The following ZNF462 variants were observed in gnomAD, a reference collection of about 807,000 sequenced individuals.
ZNF462 encodes the protein zinc finger protein 462.
Under a neutral mutation model 201.9 loss-of-function variants are expected in ZNF462, and 10 were observed. That is an observed-to-expected ratio of 0.05 (90% CI 0.03 to 0.08). ZNF462 has a LOEUF of 0.08. Among genes scored for constraint, ZNF462 ranks in the 10% least tolerant of loss-of-function variants. ZNF462 has a pLI of 1.00. For synonymous variants in ZNF462, 1,227 were observed against 1,193.3 expected (o/e 1.03, Z -0.58); for missense variants, 2,523 against 3,168.3 (o/e 0.80, Z 4.89).
At chr9:106,874,245 G>A (rs991978985) in intron 1 of ZNF462, among the ~76,000 whole-genome samples, 1 of 152,216 alleles carries the variant, frequency 6.6e-6, no homozygotes, top group Non-Finnish European at 1.5e-5. Context: ...TTCAGCCTTG[G>A]ACAGCGTAAA....
At position 107,011,061 on chromosome 9, in the gene ZNF462, C is replaced by T; in HGVS notation, c.*31C>T. 6.2e-7 allele frequency: 1 copy of T among 1,605,670 alleles called. No homozygotes were observed. The highest frequency in any genetic ancestry group is 8.5e-7 in the Non-Finnish European group (1 of 1,176,266). ...TGGTGAAATTCTTAATCAAACCTTA[C>T]TTGAACAGTGATGAAAAAGTGGGAG... On this transcript the variant is annotated 3_prime_UTR_variant, in exon 13 of 13. Coordinates refer to ENST00000277225, the MANE Select transcript of ZNF462 (RefSeq NM_021224.6). The surrounding 1 kb of genome is among the most constrained non-coding windows in gnomAD (Gnocchi z 5.6).
At position 106,880,723 on chromosome 9, in the gene ZNF462, C is replaced by T. The variant is rs1319395527; in HGVS notation, c.-31+17368C>T. Reference sequence around the variant, plus strand: ...TATTTAAATGTGTTTGTAGTCAGAACTTCAGTATAAGGGAAAAGTAAAACA... The same window carrying T: ...TATTTAAATGTGTTTGTAGTCAGAATTTCAGTATAAGGGAAAAGTAAAACA... On this transcript the variant is annotated intron_variant, in intron 1 of 12. Transcript: ENST00000277225. The surrounding 1 kb of genome is among the most constrained non-coding windows in gnomAD (Gnocchi z 4.1). 6.6e-6 allele frequency among the ~76,000 whole-genome samples: 1 copy of T among 152,130 alleles called. No homozygotes were observed. Among genetic ancestry groups the T allele is most frequent in the Non-Finnish European group, 1.5e-5 (1 of 68,030 alleles).
chr9:106,951,619 A>C (rs997802072), intron 7 of ZNF462, among the ~76,000 whole-genome samples: 2 of 152,180 alleles, frequency 1.3e-5, no homozygotes, highest in African/African-American at 2.4e-5. Context: ...GCCCAGCCGC[A>C]CAGCACTAGC....
In ZNF462 at chr9:106,970,438, G is replaced by A. The variant is rs536446840; in HGVS notation, c.6428-1567G>A. On this transcript the variant is annotated intron_variant, in intron 7 of 12. Transcript: ENST00000277225. This position sits in a 1 kb window ranked among gnomAD's most constrained non-coding sequence, Gnocchi z 4.2. ...CTGCTCTGCTTTTGTTTTCCTGTTC[G>A]AAGAGGCTGACGGGATGGATGGTGC... 3.3e-5 allele frequency among the ~76,000 whole-genome samples: 5 copies of A among 152,162 alleles called. No homozygotes were observed. The highest frequency in any genetic ancestry group is 1.9e-4 in the East Asian group (1 of 5,190).
At position 106,917,647 on chromosome 9, in the gene ZNF462, C is replaced by A. The variant is rs752529500; in HGVS notation, c.-30-5707C>A. 6.4e-4 allele frequency among the ~76,000 whole-genome samples: 97 copies of A among 152,130 alleles called. No homozygotes were observed. The highest frequency in any genetic ancestry group is 1.1e-3 in the Non-Finnish European group (76 of 68,024). Reference sequence around the variant, plus strand: ...TATTTATCCTCCCTGATATGTTAAACCTTTCATTAGTGTGGTGAATTGCCA... The same window carrying A: ...TATTTATCCTCCCTGATATGTTAAAACTTTCATTAGTGTGGTGAATTGCCA... On this transcript the variant is annotated intron_variant, in intron 1 of 12. Transcript: ENST00000277225. This position sits in a 1 kb window ranked among gnomAD's most constrained non-coding sequence, Gnocchi z 4.5.
chr9:106,948,980 C>T (rs748899334), intron 7 of ZNF462, among the ~76,000 whole-genome samples: 13 of 152,248 alleles, frequency 8.5e-5, no homozygotes, highest in Admixed American at 3.3e-4. Context: ...TCAAAAATTA[C>T]TCAAGTAGAG....
Position 106,968,120 on chromosome 9 carries a change from G to A in ZNF462, c.6428-3885G>A, listed in dbSNP as rs1832164542. On this transcript the variant is annotated intron_variant, in intron 7 of 12. Transcript: ENST00000277225. This position sits in a 1 kb window ranked among gnomAD's most constrained non-coding sequence, Gnocchi z 4.0. Reference sequence around the variant, plus strand: ...TCACAGAACCCTAGAGGTCACCATTGAGAACAGATGCCTAAGACACAAGAC... The same window carrying A: ...TCACAGAACCCTAGAGGTCACCATTAAGAACAGATGCCTAAGACACAAGAC... Among the ~76,000 whole-genome samples the A allele has an allele frequency of 2.0e-5, 3 of 152,126 alleles. No individual in the cohort carries two copies. Among genetic ancestry groups the A allele is most frequent in the Non-Finnish European group, 4.4e-5 (3 of 68,022 alleles).
At chr9:106,861,472 A>G (rs1229199555), upstream of ZNF462, among the ~76,000 whole-genome samples, 1 of 152,178 alleles carries the variant, frequency 6.6e-6, no homozygotes, top group African/African-American at 2.4e-5. Context: ...CCTCAATGCA[A>G]AGGAATCCAG....
At chr9:106,909,819 A>T (rs1829467418) in intron 1 of ZNF462, among the ~76,000 whole-genome samples, 1 of 152,202 alleles carries the variant, frequency 6.6e-6, no homozygotes, top group African/African-American at 2.4e-5. Context: ...CCTCACCAAG[A>T]TGTTTCCATT....
chr9:106,862,886 T>A (rs564999420), upstream of ZNF462, among the ~76,000 whole-genome samples: 7 of 152,244 alleles, frequency 4.6e-5, no homozygotes, highest in Non-Finnish European at 5.9e-5. The surrounding 1 kb of genome is among the most constrained non-coding windows in gnomAD (Gnocchi z 4.2). Flanking sequence ...GTTGTTGTTA[T>A]TAGAAAGGCT....
chr9:106,952,684 A>G (rs1336769187), intron 7 of ZNF462, among the ~76,000 whole-genome samples: 1 of 152,202 alleles, frequency 6.6e-6, no homozygotes, highest in African/African-American at 2.4e-5. Flanking sequence ...CATCATTACT[A>G]TAATTATTAC....
intron 7 of ZNF462, among the ~76,000 whole-genome samples, chr9:106,953,977 A>C (rs1266935041): frequency 6.6e-6 from 1 of 151,998 alleles, no homozygotes; most frequent in Non-Finnish European, 1.5e-5. Flanking sequence ...TCTCACATCC[A>C]TCTCCCTCCT....
rs187085227 is a variant in ZNF462 at position 107,003,068 on chromosome 9, C to T, written c.7057-226C>T. 3.3e-5 allele frequency among the ~76,000 whole-genome samples: 5 copies of T among 152,198 alleles called. No homozygotes were observed. The highest frequency in any genetic ancestry group is 3.9e-4 in the East Asian group (2 of 5,170). ...CTTCACAAGTTTGGTAATGAAGGTC[C>T]GGTGTACAAAAGTTCCGGTGAAAAT... On this transcript the variant is annotated intron_variant, in intron 10 of 12. Transcript: ENST00000277225. The surrounding 1 kb of genome is among the most constrained non-coding windows in gnomAD (Gnocchi z 4.4).
chr9:106,927,737 C>G lies in ZNF462; in HGVS notation c.3825C>G (p.Pro1275=). The change falls in exon 3 of 13, where the codon CCC becomes CCG. Residue 1275 remains proline, a synonymous_variant. Transcript: ENST00000277225. ...LKCRQCSYTS[P]YFYALRKHIK... ...GTAGGCAGTGCTCATATACCTCCCC[C>G]TACTTCTATGCACTGAGGAAGCATA... is the stretch of plus-strand genomic sequence containing the variant. 1 of 1,614,142 alleles carries G rather than the reference C, an allele frequency of 6.2e-7. No individual in the cohort carries two copies.
chr9:106,967,155 A>G (rs906409392), intron 7 of ZNF462, among the ~76,000 whole-genome samples: 5 of 152,068 alleles, frequency 3.3e-5, no homozygotes, highest in African/African-American at 1.2e-4. Flanking sequence ...CAATCAGTGG[A>G]GTAAGTTTAC....
intron 1 of ZNF462, among the ~76,000 whole-genome samples, chr9:106,875,366 A>G (rs1827784263): frequency 6.6e-6 from 1 of 152,216 alleles, no homozygotes; most frequent in South Asian, 2.1e-4. Context: ...AAAAATCCCA[A>G]ATTGGCTGGA....
Position 106,935,177 on chromosome 9 carries a change from A to T in ZNF462, c.6117-326A>T, listed in dbSNP as rs1168100765. 6.6e-6 allele frequency among the ~76,000 whole-genome samples: 1 copy of T among 152,288 alleles called. No homozygotes were observed. The highest frequency in any genetic ancestry group is 2.1e-4 in the South Asian group (1 of 4,826). ...CTTGGCAGGAAGCTTGAATTCACCC[A>T]TATTGTACCTTCTCTTTAGATACAC... On this transcript the variant is annotated intron_variant, in intron 5 of 12. Transcript: ENST00000277225. This position sits in a 1 kb window ranked among gnomAD's most constrained non-coding sequence, Gnocchi z 4.1.
chr9:106,885,914 G>A lies in ZNF462; in HGVS notation c.-31+22559G>A, dbSNP rs1041193235. Among the ~76,000 whole-genome samples the A allele has an allele frequency of 2.0e-5, 3 of 151,818 alleles. No homozygotes were observed. The highest frequency in any genetic ancestry group is 2.9e-5 in the Non-Finnish European group (2 of 67,884). Reference sequence around the variant, plus strand: ...ACTTGGAGAGAAGGGGAGGATGCCAGAGAGAGTCATGTTCTGATAATTATT... The same window carrying A: ...ACTTGGAGAGAAGGGGAGGATGCCAAAGAGAGTCATGTTCTGATAATTATT... On this transcript the variant is annotated intron_variant, in intron 1 of 12. Coordinates refer to ENST00000277225, the MANE Select transcript of ZNF462 (RefSeq NM_021224.6). This position sits in a 1 kb window ranked among gnomAD's most constrained non-coding sequence, Gnocchi z 4.1.
At chr9:106,877,421 C>T (rs762940922) in intron 1 of ZNF462, among the ~76,000 whole-genome samples, 42 of 147,712 alleles carry the variant, frequency 2.8e-4, no homozygotes, top group East Asian at 2.0e-3. Context: ...TAAGATCTTG[C>T]GCTGTTGCCC....
Sources: gnomAD v4.1 joint callset for allele counts (sites outside exome capture counted in the v4.1 genomes callset) on GRCh38, gnomAD v4.1.1 for gene constraint, Gnocchi (gnomAD v3.1) non-coding constraint, MANE v1.5 for transcripts, NCBI Gene and HGNC (gene_info 2026-07-23, HGNC 2026-07-21) for gene names.